KCNC2: variants seen among roughly 807,000 people sequenced by gnomAD.
KCNC2 encodes the protein voltage-gated potassium channel KCNC2.
Under a neutral mutation model 44.5 loss-of-function variants are expected in KCNC2, and 21 were observed. The observed-to-expected ratio is 0.47, with a 90% CI of 0.33 to 0.68. KCNC2 has a LOEUF of 0.68. Among genes scored for constraint, KCNC2 ranks in the 30% least tolerant of loss-of-function variants. The pLI is 0.01. For missense variants in KCNC2, 589 were observed against 826.2 expected (o/e 0.71, Z 3.52); for synonymous variants, 391 against 339.1 (o/e 1.15, Z -1.68).
In KCNC2 at chr12:75,179,704, G is replaced by T. The variant is rs11180390; in HGVS notation, c.687+27593C>A. Among the ~76,000 whole-genome samples, 443 of 79,226 alleles carry T rather than the reference G, an allele frequency of 5.6e-3. 2 individuals are homozygous for T. The highest frequency in any genetic ancestry group is 0.021 in the African/African-American group (390 of 18,742). The allele number at this position is 79,226 out of a possible 152,430, so 52.0% of individuals were successfully genotyped here. On this transcript the variant is annotated intron_variant, in intron 2 of 4. Coordinates refer to ENST00000549446, the MANE Select transcript of KCNC2 (RefSeq NM_139137.4). ...AACTATAAAAGATATAAAACTACTT[G>T]TATATCTTTTATAAAAACTATAAAA...
intron 2 of KCNC2, among the ~76,000 whole-genome samples, chr12:75,126,271 AT>A (rs1462549458): frequency 6.6e-6 from 1 of 152,204 alleles, no homozygotes; most frequent in African/African-American, 2.4e-5. Flanking sequence ...TAATATTTGC[AT>A]TTTTAAAAAG....
chr12:75,182,666 AG>A (rs1295680911), intron 2 of KCNC2, among the ~76,000 whole-genome samples: 2 of 152,168 alleles, frequency 1.3e-5, no homozygotes, highest in East Asian at 3.9e-4. Context: ...TTAGATTTTT[AG>A]AAAGGCAATA....
intron 2 of KCNC2, among the ~76,000 whole-genome samples, chr12:75,166,014 T>C (rs1036800617): frequency 2.0e-5 from 3 of 151,326 alleles, no homozygotes; most frequent in Non-Finnish European, 4.4e-5. Context: ...CTACAAAAGA[T>C]ATTCATATTC....
rs755204231 is a variant in KCNC2, at chr12:75,205,776, G to T, written c.687+1521C>A. 3.8e-4 allele frequency among the ~76,000 whole-genome samples: 58 copies of T among 151,104 alleles called. 1 individual carries two copies. Among genetic ancestry groups the T allele is most frequent in the Non-Finnish European group, 8.1e-4 (55 of 67,874 alleles). On this transcript the variant is annotated intron_variant, in intron 2 of 4. Coordinates refer to ENST00000549446, the MANE Select transcript of KCNC2 (RefSeq NM_139137.4). Reference sequence around the variant, plus strand: ...AAAAACACAGATGCACAGATGTAATGGTCATGAGCCTGTGGTTTAATTTAA... The same window carrying T: ...AAAAACACAGATGCACAGATGTAATTGTCATGAGCCTGTGGTTTAATTTAA...
rs574059602 is a variant in KCNC2, at chr12:75,188,424, G to A, written c.687+18873C>T. On this transcript the variant is annotated intron_variant, in intron 2 of 4. Coordinates refer to ENST00000549446, the MANE Select transcript of KCNC2 (RefSeq NM_139137.4). Reference sequence around the variant, plus strand: ...ATATAAGATCCTTATTTAACATTGGGAATTTCAGATAAGGAACAATTTTTA... The same window carrying A: ...ATATAAGATCCTTATTTAACATTGGAAATTTCAGATAAGGAACAATTTTTA... 2.0e-5 allele frequency among the ~76,000 whole-genome samples: 3 copies of A among 152,202 alleles called. No homozygotes were observed. The South Asian group carries it at 6.2e-4, about 32-fold the overall frequency.
chr12:75,176,002 T>A (rs1892158147), intron 2 of KCNC2, among the ~76,000 whole-genome samples: 1 of 152,118 alleles, frequency 6.6e-6, no homozygotes, highest in Non-Finnish European at 1.5e-5. Context: ...GTACTATATT[T>A]TTGTTTGCAG....
intron 2 of KCNC2, among the ~76,000 whole-genome samples, chr12:75,173,991 A>C (rs1252074678): frequency 2.0e-5 from 3 of 151,840 alleles, no homozygotes; most frequent in Non-Finnish European, 4.4e-5. Context: ...ATTTCATGGC[A>C]TGTCATTTCT....
intron 2 of KCNC2, among the ~76,000 whole-genome samples, chr12:75,125,252 T>C (rs1299530699): frequency 6.6e-6 from 1 of 152,232 alleles, no homozygotes; most frequent in East Asian, 1.9e-4. Flanking sequence ...CATTCTCCTG[T>C]ACCAATTTGT....
At chr12:75,191,743 G>A (rs1034086146) in intron 2 of KCNC2, among the ~76,000 whole-genome samples, 3 of 150,744 alleles carry the variant, frequency 2.0e-5, no homozygotes, top group Non-Finnish European at 4.4e-5. Flanking sequence ...GTAGAGACGG[G>A]TTTCACCTTG....
chr12:75,054,118 C>T (rs988883173), intron 2 of KCNC2, among the ~76,000 whole-genome samples: 2 of 151,472 alleles, frequency 1.3e-5, no homozygotes, highest in African/African-American at 2.4e-5. Flanking sequence ...AGCTACTTTC[C>T]CAAGTACTGA....
intron 2 of KCNC2, among the ~76,000 whole-genome samples, chr12:75,156,678 C>G (rs901769033): frequency 3.3e-5 from 5 of 151,784 alleles, no homozygotes; most frequent in African/African-American, 1.2e-4. Context: ...ATCTAAAGCA[C>G]TTAACCTAGT....
intron 2 of KCNC2, chr12:75,123,998 A>T (rs902041261): frequency 3.9e-5 from 6 of 152,186 alleles, no homozygotes; most frequent in African/African-American, 7.2e-5. Context: ...AAAATAACTT[A>T]AAAAAACTCA....
chr12:75,125,504 C>T (rs1888352711), intron 2 of KCNC2, among the ~76,000 whole-genome samples: 1 of 152,120 alleles, frequency 6.6e-6, no homozygotes, highest in Admixed American at 6.5e-5. Flanking sequence ...AAGTGAGAAA[C>T]AGAGGAGCAG....
chr12:75,187,742 T>C (rs942978118), intron 2 of KCNC2, among the ~76,000 whole-genome samples: 12 of 152,186 alleles, frequency 7.9e-5, no homozygotes, highest in Non-Finnish European at 1.6e-4. Flanking sequence ...ACCATAAATA[T>C]AATAACCCGA....
chr12:75,180,081 T>A (rs1279976257), intron 2 of KCNC2, among the ~76,000 whole-genome samples: 1 of 151,972 alleles, frequency 6.6e-6, no homozygotes, highest in Non-Finnish European at 1.5e-5. Context: ...AGGAATATAT[T>A]GTCAACATAG....
At chr12:75,175,622 T>C (rs1320279124) in intron 2 of KCNC2, among the ~76,000 whole-genome samples, 3 of 152,022 alleles carry the variant, frequency 2.0e-5, no homozygotes, top group Admixed American at 2.0e-4. Flanking sequence ...CTCTCTTTTT[T>C]CCCCTCTGGC....
At chr12:75,126,300 T>C (rs1888421115) in intron 2 of KCNC2, among the ~76,000 whole-genome samples, 1 of 152,228 alleles carries the variant, frequency 6.6e-6, no homozygotes, top group Non-Finnish European at 1.5e-5. Flanking sequence ...TGGTAAACTA[T>C]GTCTTTTAAA....
At chr12:75,071,937 C>CAAAAAAAAAAAAAAA (rs751849483) in intron 2 of KCNC2, among the ~76,000 whole-genome samples, 7 of 67,358 alleles carry the variant, frequency 1.0e-4, no homozygotes, top group African/African-American at 4.8e-4. Context: ...GACTCCTTCT[C>CAAAAAAAAAAAAAAA]AAAAAAAAAA....
chr12:75,116,859 T>G (rs762103058), intron 2 of KCNC2, among the ~76,000 whole-genome samples: 10 of 152,190 alleles, frequency 6.6e-5, no homozygotes, highest in Non-Finnish European at 1.2e-4. Flanking sequence ...AATTCCCTGC[T>G]GCCCACCTGC....
Sources: allele counts gnomAD v4.1 joint callset (sites outside exome capture counted in the v4.1 genomes callset), GRCh38; gene constraint gnomAD v4.1.1; transcripts MANE v1.5; gene names NCBI Gene and HGNC (gene_info 2026-07-23, HGNC 2026-07-21).